The following NIN variants were observed in gnomAD, a reference collection of about 807,000 sequenced individuals.
The protein encoded by NIN is ninein, also known as glycogen synthase kinase 3 beta-interacting protein.
NIN carries 137 observed loss-of-function variants against 257.6 expected under a neutral mutation model. The ratio of observed to expected loss-of-function variants is 0.53; its 90% CI spans 0.46 to 0.61. The LOEUF (loss-of-function observed/expected upper bound fraction) is 0.61, where lower values mean the gene tolerates loss of function less well. Among genes scored for constraint, NIN ranks in the 20% least tolerant of loss-of-function variants. The probability of loss-of-function intolerance (pLI) is 0.00; values close to 1 mark genes in which losing one functional copy is unlikely to be tolerated. For synonymous variants in NIN, 918 were observed against 919.8 expected (o/e 1.00, Z 0.04); for missense variants, 2,439 against 2,501.2 (o/e 0.98, Z 0.53).
At chr14:50,802,712 A>AT (rs34861760) in intron 4 of NIN, among the ~76,000 whole-genome samples, 15,719 of 152,154 alleles carry the variant, frequency 0.1, 1,005 homozygotes, top group South Asian at 0.15. Context: ...GATTTTATGT[A>AT]TTTTTTCAGC....
intron 5 of NIN, among the ~76,000 whole-genome samples, chr14:50,785,315 C>T (rs188615017): frequency 3.7e-4 from 57 of 152,338 alleles, no homozygotes; most frequent in African/African-American, 1.3e-3. Context: ...ATAGCCCAGC[C>T]GCCACCCCCA....
intron 27 of NIN, 102 bp from the exon 28 acceptor site, chr14:50,735,719 T>A (rs2040942426): frequency 2.1e-6 from 3 of 1,412,398 alleles, no homozygotes; most frequent in Admixed American, 2.7e-5. Context: ...ATCTCAACTC[T>A]TGGAAGAAAG....
At chr14:50,807,706 T>C (rs1595909583) in intron 3 of NIN, among the ~76,000 whole-genome samples, 1 of 152,314 alleles carries the variant, frequency 6.6e-6, no homozygotes, top group East Asian at 1.9e-4. Context: ...AGGTTTAATA[T>C]AGGTGACAGA....
Position 50,721,946 on chromosome 14 carries a change from C to T in NIN, c.*1517G>A. On this transcript the variant is annotated 3_prime_UTR_variant, in exon 31 of 31. Coordinates refer to ENST00000530997, the MANE Select transcript of NIN (RefSeq NM_020921.4). Reference sequence around the variant, plus strand: ...GATGACTTCTTGGGCAGTTTGCTTTCTCTTGTGTTCCTGCCCATAAAGCAG... The same window carrying T: ...GATGACTTCTTGGGCAGTTTGCTTTTTCTTGTGTTCCTGCCCATAAAGCAG... The T allele has an allele frequency of 4.4e-6, 1 of 227,034 alleles. No individual in the cohort carries two copies. The highest frequency in any genetic ancestry group is 8.8e-6 in the Non-Finnish European group (1 of 113,984). The allele number at this position is 227,034 out of a possible 1,614,324, so 14.1% of individuals were successfully genotyped here. A position where few individuals can be genotyped will look rare whatever the true frequency, so the allele number is the denominator to read the frequency against.
chr14:50,725,186 G>A (rs2040362095), intron 30 of NIN, among the ~76,000 whole-genome samples: 1 of 152,080 alleles, frequency 6.6e-6, no homozygotes, highest in Admixed American at 6.5e-5. Flanking sequence ...CTCTCTTGGG[G>A]TTGTTATTCT....
Position 50,823,340 on chromosome 14 carries a change from T to TA in NIN, c.-21-1264dup, listed in dbSNP as rs1220592755. ...GCTCTCAGAACCAGTCCTTTGACTA[T>TA]AAAAAAAGCAGCAGCTTTCACTAAC... On this transcript the variant is annotated intron_variant, in intron 2 of 30. Transcript: ENST00000530997. The TA allele has an allele frequency of 2.8e-5, 15 of 530,190 alleles. 1 individual carries two copies. The highest frequency in any genetic ancestry group is 6.0e-5 in the South Asian group (4 of 66,538). The allele number at this position is 530,190 out of a possible 1,614,324, so 32.8% of individuals were successfully genotyped here.
intron 24 of NIN, among the ~76,000 whole-genome samples, chr14:50,743,205 A>T (rs147962437): frequency 6.8e-4 from 104 of 151,850 alleles, no homozygotes; most frequent in African/African-American, 2.4e-3. Context: ...CCTGACCTCA[A>T]GTGATCTGCT....
At chr14:50,734,795 G>C (rs976778422) in intron 28 of NIN, among the ~76,000 whole-genome samples, 2 of 151,748 alleles carry the variant, frequency 1.3e-5, no homozygotes, top group Non-Finnish European at 2.9e-5. Context: ...TCCTGTCTCA[G>C]CCTCTCAAGT....
At chr14:50,808,610 T>C (rs2044440190) in intron 3 of NIN, among the ~76,000 whole-genome samples, 1 of 152,186 alleles carries the variant, frequency 6.6e-6, no homozygotes, top group African/African-American at 2.4e-5. Flanking sequence ...ATTCAATAAA[T>C]ATTTATTGAG....
In NIN at chr14:50,770,470, T is replaced by C; in HGVS notation, c.1352A>G (p.Gln451Arg). ...REQILQQAGK[Q>R]RLELEQEIEK... ...AATTTCCTGTTCAAGTTCTAAACGC[T>C]GCTTGCCTGCCTGCTGCAGGATCTG... The change falls in exon 12 of 31, where the codon CAG becomes CGG. Residue 451 changes from glutamine (Q) to arginine (R), a missense_variant. Physicochemically the swap from Gln to Arg is conservative, Grantham distance 43. Coordinates refer to ENST00000530997, the MANE Select transcript of NIN (RefSeq NM_020921.4). The C allele has an allele frequency of 1.9e-6, 3 of 1,614,230 alleles. No individual in the cohort carries two copies. The highest frequency in any genetic ancestry group is 2.5e-6 in the Non-Finnish European group (3 of 1,180,014).
intron 5 of NIN, among the ~76,000 whole-genome samples, chr14:50,779,096 C>T (rs2043028780): frequency 6.6e-6 from 1 of 152,206 alleles, no homozygotes; most frequent in South Asian, 2.1e-4. Context: ...CAATTAAACC[C>T]AGCCAAAGCA....
At chr14:50,739,060 T>C (rs1447402447) in intron 26 of NIN, among the ~76,000 whole-genome samples, 3 of 152,228 alleles carry the variant, frequency 2.0e-5, no homozygotes, top group Non-Finnish European at 4.4e-5. Flanking sequence ...CATGAGTCTA[T>C]ATTTTGGATA....
chr14:50,731,007 A>G (rs925588255), intron 28 of NIN: 12 of 1,208,860 alleles, frequency 9.9e-6, no homozygotes, highest in African/African-American at 3.1e-5. Flanking sequence ...AGCCACAGAC[A>G]AGACAAAAAG....
At chr14:50,729,373 G>GA (rs1303993980) in intron 29 of NIN, 150 bp downstream of exon 29, 1 of 676,218 alleles carries the variant, frequency 1.5e-6, no homozygotes, top group African/African-American at 1.8e-5. Context: ...GGCCTCAAGC[G>GA]ATCCTCCCGT....
rs2040292664 is a variant in NIN at position 50,722,601 on chromosome 14, T to C, written c.*862A>G. On this transcript the variant is annotated 3_prime_UTR_variant, in exon 31 of 31. Coordinates refer to ENST00000530997, the MANE Select transcript of NIN (RefSeq NM_020921.4). ...CAACCTCAAGTAAATTTATGAACTC[T>C]AAGATTTGAGAGACAGAAAACCTAC... The C allele has an allele frequency of 4.7e-6, 1 of 213,082 alleles. No individual in the cohort carries two copies. Among genetic ancestry groups the C allele is most frequent in the Admixed American group, 5.9e-5 (1 of 17,090 alleles). 13.2% of individuals were successfully genotyped at this position (213,082 alleles called of 1,614,324 possible).
intron 24 of NIN, 76 bp downstream of exon 24, chr14:50,743,340 T>A: frequency 2.1e-6 from 2 of 960,806 alleles, no homozygotes; most frequent in South Asian, 1.3e-5. Context: ...CCTGGAACAC[T>A]CTTTTTACCG....
At chr14:50,801,611 A>G (rs2044106941) in intron 4 of NIN, among the ~76,000 whole-genome samples, 1 of 152,198 alleles carries the variant, frequency 6.6e-6, no homozygotes, top group Non-Finnish European at 1.5e-5. Context: ...ATAAACACAA[A>G]TCTTCAATCA....
intron 4 of NIN, among the ~76,000 whole-genome samples, chr14:50,805,339 G>A (rs1456126639): frequency 6.6e-6 from 1 of 152,122 alleles, no homozygotes; most frequent in South Asian, 2.1e-4. Context: ...TCTAGCAGCG[G>A]TCACCTGTGG....
At chr14:50,805,043 G>T (rs1010526206) in intron 4 of NIN, among the ~76,000 whole-genome samples, 3 of 152,216 alleles carry the variant, frequency 2.0e-5, no homozygotes, top group Non-Finnish European at 2.9e-5. Flanking sequence ...AGGTGACAGT[G>T]ACAGTACAGG....
Sources: gnomAD v4.1 joint callset for allele counts (sites outside exome capture counted in the v4.1 genomes callset) on GRCh38, gnomAD v4.1.1 for gene constraint, MANE v1.5 for transcripts, NCBI Gene and HGNC (gene_info 2026-07-23, HGNC 2026-07-21) for gene names.